RSPO2: variants seen among roughly 807,000 people sequenced by gnomAD.
The protein encoded by RSPO2 is R-spondin 2, also known as R-spondin-2.
RSPO2 carries 14 observed loss-of-function variants against 30.9 expected under a neutral mutation model. The observed-to-expected ratio is 0.45, with a 90% CI of 0.30 to 0.71. The LOEUF (loss-of-function observed/expected upper bound fraction) is 0.71. Among genes scored for constraint, RSPO2 ranks in the 30% least tolerant of loss-of-function variants. The pLI is 0.08. For missense variants in RSPO2, 264 were observed against 301.9 expected, an observed-to-expected ratio of 0.87 and a Z score of 0.93; for synonymous variants, 107 against 96.4, an observed-to-expected ratio of 1.11 and a Z score of -0.64.
intron 3 of RSPO2, among the ~76,000 whole-genome samples, chr8:107,982,487 G>T (rs749031937): frequency 2.0e-5 from 3 of 151,972 alleles, no homozygotes; most frequent in Non-Finnish European, 2.9e-5. Context: ...ATTATTTTTT[G>T]TCTTTCCTCC....
At chr8:107,960,519 T>C (rs1462401255) in intron 4 of RSPO2, among the ~76,000 whole-genome samples, 155 bp downstream of exon 4, 1 of 152,220 alleles carries the variant, frequency 6.6e-6, no homozygotes, top group Non-Finnish European at 1.5e-5. Context: ...CCAATTGTCA[T>C]GATGCTTAAA....
intron 5 of RSPO2, among the ~76,000 whole-genome samples, chr8:107,947,580 A>C (rs919340530): frequency 6.6e-6 from 1 of 152,188 alleles, no homozygotes; most frequent in Admixed American, 6.5e-5. Context: ...ACACGTAAAC[A>C]TCAGAACCCG....
intron 2 of RSPO2, among the ~76,000 whole-genome samples, chr8:108,055,933 G>A (rs1259003432): frequency 2.0e-5 from 3 of 152,144 alleles, no homozygotes; most frequent in Non-Finnish European, 4.4e-5. Flanking sequence ...GCATGGCTGG[G>A]TCAGAATGCC....
At chr8:108,071,537 A>C (rs575089625) in intron 2 of RSPO2, among the ~76,000 whole-genome samples, 1 of 152,320 alleles carries the variant, frequency 6.6e-6, no homozygotes, top group African/African-American at 2.4e-5. Flanking sequence ...GGGCGGCCAC[A>C]AGATATCTTT....
chr8:107,907,828 T>A (rs1022080553), intron 5 of RSPO2, among the ~76,000 whole-genome samples: 66 of 151,790 alleles, frequency 4.3e-4, no homozygotes, highest in Non-Finnish European at 1.9e-4. Context: ...AGTTACCATA[T>A]TTTTTTATCT....
intron 2 of RSPO2, among the ~76,000 whole-genome samples, chr8:108,062,807 G>A (rs1004066809): frequency 2.9e-4 from 44 of 151,778 alleles, no homozygotes; most frequent in Non-Finnish European, 1.2e-4. Context: ...ACTGAATCCA[G>A]CAGCACATCA....
At chr8:108,075,477 T>A (rs1218262746) in intron 2 of RSPO2, among the ~76,000 whole-genome samples, 3 of 144,022 alleles carry the variant, frequency 2.1e-5, no homozygotes, top group African/African-American at 7.7e-5. Flanking sequence ...CGAAATTCCA[T>A]CTCAAAAAAA....
intron 5 of RSPO2, among the ~76,000 whole-genome samples, chr8:107,916,209 C>T (rs76915356): frequency 0.052 from 7,947 of 152,172 alleles, 372 homozygotes; most frequent in Non-Finnish European, 0.073. Flanking sequence ...GACATTTGGT[C>T]TAAATTAAGG....
intron 2 of RSPO2, among the ~76,000 whole-genome samples, chr8:108,055,528 G>A (rs756445866): frequency 1.1e-4 from 17 of 152,140 alleles, no homozygotes; most frequent in South Asian, 4.1e-4. Flanking sequence ...GGACAGGTTC[G>A]GAAGATGGTG....
chr8:107,945,884 AT>A (rs1390225864), intron 5 of RSPO2, among the ~76,000 whole-genome samples: 1 of 152,060 alleles, frequency 6.6e-6, no homozygotes, highest in African/African-American at 2.4e-5. Context: ...CATTTTTAAA[AT>A]TTAATGTTTC....
At chr8:107,954,676 T>A (rs911877287) in intron 5 of RSPO2, among the ~76,000 whole-genome samples, 5 of 152,124 alleles carry the variant, frequency 3.3e-5, no homozygotes, top group Admixed American at 6.5e-5. Context: ...AGTGGCACGA[T>A]CTTGGCTCAA....
intron 2 of RSPO2, among the ~76,000 whole-genome samples, chr8:107,995,446 TA>T (rs1814987050): frequency 6.6e-6 from 1 of 152,186 alleles, no homozygotes; most frequent in Non-Finnish European, 1.5e-5. Context: ...TGTTGGGTCA[TA>T]ACTTGTTCAA....
chr8:107,923,640 T>A (rs1244654671), intron 5 of RSPO2, among the ~76,000 whole-genome samples: 2 of 152,142 alleles, frequency 1.3e-5, no homozygotes, highest in Non-Finnish European at 2.9e-5. Flanking sequence ...GCAGCACTAT[T>A]CACAACAGCC....
chr8:107,934,092 T>A (rs1482404353), intron 5 of RSPO2, among the ~76,000 whole-genome samples: 1 of 152,208 alleles, frequency 6.6e-6, no homozygotes, highest in Non-Finnish European at 1.5e-5. Flanking sequence ...TATTGTTTTA[T>A]AAAATTATGT....
chr8:107,975,033 A>G (rs1451379846), intron 3 of RSPO2, among the ~76,000 whole-genome samples: 1 of 152,216 alleles, frequency 6.6e-6, no homozygotes, highest in Non-Finnish European at 1.5e-5. Flanking sequence ...ATTATTTCCT[A>G]TTAAATAAAA....
chr8:108,006,927 A>T (rs1331016753), intron 2 of RSPO2, among the ~76,000 whole-genome samples: 1 of 152,206 alleles, frequency 6.6e-6, no homozygotes, highest in African/African-American at 2.4e-5. Context: ...TTGAAAGTAA[A>T]TTGCAGACAT....
intron 2 of RSPO2, 153 bp from the exon 3 acceptor site, chr8:107,989,397 C>G (rs1000603228): frequency 5.4e-6 from 3 of 558,744 alleles, no homozygotes; most frequent in Non-Finnish European, 8.9e-6. Context: ...CCTCTACCTC[C>G]TCCACCCAAA....
chr8:107,931,736 G>T (rs1812559445), intron 5 of RSPO2, among the ~76,000 whole-genome samples: 1 of 152,100 alleles, frequency 6.6e-6, no homozygotes, highest in South Asian at 2.1e-4. Flanking sequence ...GTCAAGCAGA[G>T]AAACTTCCAT....
chr8:108,072,736 C>CA (rs1446408304), intron 2 of RSPO2, among the ~76,000 whole-genome samples: 2 of 151,600 alleles, frequency 1.3e-5, no homozygotes, highest in Admixed American at 6.6e-5. Flanking sequence ...GACTCAGTCT[C>CA]AAAAAAATAA....
Sources: allele counts gnomAD v4.1 joint callset (sites outside exome capture counted in the v4.1 genomes callset), GRCh38; gene constraint gnomAD v4.1.1; transcripts MANE v1.5; gene names NCBI Gene and HGNC (gene_info 2026-07-23, HGNC 2026-07-21).